TACC2: variants seen among roughly 807,000 people sequenced by gnomAD.
TACC2 encodes transforming acidic coiled-coil-containing protein 2.
In TACC2, 137 loss-of-function variants were observed where a neutral mutation model predicts 227.3. That is an observed-to-expected ratio of 0.60 (90% confidence interval 0.52 to 0.69). The LOEUF is 0.69. TACC2 is among the 30% of genes least tolerant of loss of function. TACC2 has a pLI of 0.00. For synonymous variants in TACC2, 1,523 were observed against 1,487.5 expected, an observed-to-expected ratio of 1.02 and a Z score of -0.55; for missense variants, 3,470 against 3,694.4, an observed-to-expected ratio of 0.94 and a Z score of 1.57.
At chr10:122,008,237 T>C (rs1261893588) in intron 1 of TACC2, among the ~76,000 whole-genome samples, 2 of 117,560 alleles carry the variant, frequency 1.7e-5, no homozygotes, top group East Asian at 5.7e-4. Context: ...GAATTCTGTC[T>C]ATCCCTTTGT....
chr10:122,188,047 C>T (rs573870395), intron 7 of TACC2, among the ~76,000 whole-genome samples: 27 of 152,122 alleles, frequency 1.8e-4, no homozygotes, highest in African/African-American at 6.0e-4. Context: ...AAGTCTGTCT[C>T]CCCATTCTGT....
intron 2 of TACC2, chr10:122,023,261 T>G (rs1957550521): frequency 6.6e-6 from 1 of 152,094 alleles, no homozygotes; most frequent in Non-Finnish European, 1.5e-5. Flanking sequence ...AACTCCTGAC[T>G]TCAGGTGATC....
chr10:122,154,225 G>T (rs2139586433), intron 7 of TACC2, among the ~76,000 whole-genome samples: 1 of 152,340 alleles, frequency 6.6e-6, no homozygotes, highest in South Asian at 2.1e-4. Context: ...CTGATGCCGG[G>T]CCAGGCTCCC....
chr10:122,084,809 C>A lies in TACC2; in HGVS notation c.2309C>A (p.Ser770Ter). The A allele has an allele frequency of 6.2e-7, 1 of 1,613,670 alleles. No homozygotes were observed. Among genetic ancestry groups the A allele is most frequent in the Non-Finnish European group, 8.5e-7 (1 of 1,180,030 alleles). Residue 770 changes from serine (S) to a stop codon, truncating the protein, a stop_gained, in exon 4 of 23, where the codon TCG becomes TAG. Coordinates refer to ENST00000369005, the MANE Select transcript of TACC2 (RefSeq NM_206862.4). LOFTEE classifies it high-confidence loss of function. Reference sequence around the variant, plus strand: ...CCCCGCGGGCCGGCGTGTGATGCGTCGAGACAGGAATTTCATGCTGGGGTG... The same window carrying A: ...CCCCGCGGGCCGGCGTGTGATGCGTAGAGACAGGAATTTCATGCTGGGGTG... The part of the protein sequence containing the change: ...DQPRGPACDA[S>*]RQEFHAGVPH...
chr10:122,110,649 C>T (rs1246691550), intron 5 of TACC2, among the ~76,000 whole-genome samples: 1 of 152,194 alleles, frequency 6.6e-6, no homozygotes, highest in African/African-American at 2.4e-5. Flanking sequence ...GAGTGGTTCT[C>T]CTGCAGTGAA....
intron 3 of TACC2, among the ~76,000 whole-genome samples, chr10:122,062,565 C>T (rs1260817537): frequency 5.3e-5 from 8 of 151,936 alleles, no homozygotes; most frequent in South Asian, 2.1e-4. Flanking sequence ...CCACCTGCCT[C>T]GGCCTCCCAA....
rs926139228 is a variant in TACC2, at chr10:122,248,819, G to T, written c.8553+16G>T. 6.2e-7 allele frequency: 1 copy of T among 1,613,822 alleles called. No individual in the cohort carries two copies. The highest frequency in any genetic ancestry group is 1.7e-5 in the Admixed American group (1 of 60,000). ...CTTCCGCAAGGTAGGGCTGAGTTTGGGGGCCACGGAGGAGGAGGATCTGAT... is the reference window on the plus strand; with the variant it reads ...CTTCCGCAAGGTAGGGCTGAGTTTGTGGGCCACGGAGGAGGAGGATCTGAT... On this transcript the variant is annotated intron_variant, in intron 20 of 22. Coordinates refer to ENST00000369005, the MANE Select transcript of TACC2 (RefSeq NM_206862.4).
chr10:122,192,597 T>G (rs2094445965), intron 7 of TACC2: 1 of 427,058 alleles, frequency 2.3e-6, no homozygotes, highest in Non-Finnish European at 4.8e-6. Flanking sequence ...TTGGTGACAT[T>G]GAAAGAGATT....
chr10:122,015,376 G>A (rs933917880), intron 1 of TACC2, among the ~76,000 whole-genome samples: 4 of 151,698 alleles, frequency 2.6e-5, no homozygotes, highest in South Asian at 2.1e-4. Flanking sequence ...GTGGTGGCAC[G>A]CACCTGTAGT....
chr10:122,177,389 C>T (rs1382338988), intron 7 of TACC2, among the ~76,000 whole-genome samples: 2 of 152,082 alleles, frequency 1.3e-5, no homozygotes, highest in African/African-American at 2.4e-5. Context: ...GTGCACAGGG[C>T]CTTTTAAAAA....
intron 1 of TACC2, among the ~76,000 whole-genome samples, chr10:121,993,576 A>G (rs1953129741): frequency 6.6e-6 from 1 of 152,120 alleles, no homozygotes; most frequent in South Asian, 2.1e-4. Flanking sequence ...TAGTATTTAC[A>G]CATAAATGTA....
intron 21 of TACC2, among the ~76,000 whole-genome samples, 188 bp downstream of exon 21, chr10:122,249,344 G>T (rs1403409986): frequency 1.3e-5 from 2 of 152,232 alleles, no homozygotes; most frequent in African/African-American, 2.4e-5. Context: ...GATGCGTGTT[G>T]CAATGTCCAG....
chr10:122,072,198 G>A (rs563665381), intron 3 of TACC2, among the ~76,000 whole-genome samples: 135 of 151,800 alleles, frequency 8.9e-4, no homozygotes, highest in Non-Finnish European at 1.5e-3. Flanking sequence ...CTTGTGATCC[G>A]CTTGCCTTGG....
At chr10:122,145,520 TTGACTACAAATGAGCA>T (rs2091258612) in intron 7 of TACC2, among the ~76,000 whole-genome samples, 1 of 152,180 alleles carries the variant, frequency 6.6e-6, no homozygotes, top group Non-Finnish European at 1.5e-5. Flanking sequence ...GGGATTTGTA[TTGACTACAAATGAGCA>T]TGAAGAGATC....
chr10:122,186,490 C>T (rs2140373511), intron 7 of TACC2, among the ~76,000 whole-genome samples: 1 of 152,170 alleles, frequency 6.6e-6, no homozygotes, highest in African/African-American at 2.4e-5. Context: ...AAGACTCAGT[C>T]TCTGGGGGGA....
At chr10:122,071,015 C>T (rs957913010) in intron 3 of TACC2, among the ~76,000 whole-genome samples, 1 of 152,056 alleles carries the variant, frequency 6.6e-6, no homozygotes, top group African/African-American at 2.4e-5. Flanking sequence ...AAAACACCAC[C>T]AGAATCTAGC....
intron 2 of TACC2, among the ~76,000 whole-genome samples, chr10:122,040,364 G>A (rs945981461): frequency 1.4e-4 from 22 of 152,260 alleles, no homozygotes; most frequent in African/African-American, 4.1e-4. Flanking sequence ...GTCTCCACTC[G>A]ACAGCCCTTC....
Position 122,085,474 on chromosome 10 carries a change from A to C in TACC2, c.2974A>C (p.Lys992Gln), listed in dbSNP as rs904553223. Residue 992 changes from lysine to glutamine, a missense_variant, in exon 4 of 23, where the codon AAG becomes CAG. By Grantham distance (53) the Lys-to-Gln change is moderately conservative (BLOSUM62 1). Transcript: ENST00000369005. ...TTGCTGCACTGGGCAGGGGCCAAAC[A>C]AGTCTCAACAGGCATTGGCTGATGC... ...ETCCTGQGPN[K>Q]SQQALADALE... The C allele has an allele frequency of 6.2e-7, 1 of 1,613,764 alleles. No homozygotes were observed. The highest frequency in any genetic ancestry group is 1.7e-5 in the Admixed American group (1 of 60,032).
At chr10:122,000,703 T>C (rs1345666931) in intron 1 of TACC2, among the ~76,000 whole-genome samples, 1 of 152,244 alleles carries the variant, frequency 6.6e-6, no homozygotes, top group African/African-American at 2.4e-5. Flanking sequence ...TCTACAATTG[T>C]CTACAATGGT....
Sources: gnomAD v4.1 joint callset for allele counts (sites outside exome capture counted in the v4.1 genomes callset) on GRCh38, gnomAD v4.1.1 for gene constraint, MANE v1.5 for transcripts, NCBI Gene and HGNC (gene_info 2026-07-23, HGNC 2026-07-21) for gene names.